FAM204A: variants seen among roughly 807,000 people sequenced by gnomAD.
FAM204A encodes the protein family with sequence similarity 204 member A.
A neutral mutation model predicts 35.4 loss-of-function variants in FAM204A; 16 were observed. The observed-to-expected ratio is 0.45, with a 90% CI of 0.31 to 0.69. The LOEUF (loss-of-function observed/expected upper bound fraction) is 0.69. Among genes scored for constraint, FAM204A ranks in the 30% least tolerant of loss-of-function variants. The pLI is 0.07. For synonymous variants in FAM204A, 76 were observed against 86.9 expected, an observed-to-expected ratio of 0.88 and a Z score of 0.70; for missense variants, 240 against 265.7, an observed-to-expected ratio of 0.90 and a Z score of 0.67.
chr10:118,336,437 G>A lies in FAM204A; in HGVS notation c.-8-14C>T. On this transcript the variant is annotated splice_polypyrimidine_tract_variant and intron_variant, in intron 2 of 8. Transcript: ENST00000369183. The stretch of plus-strand genomic sequence containing the variant: ...ACATCTTTTCTTCTATGAGGAAAAA[G>A]ATTAATTTACACATGTAGAATAACC... The A allele has an allele frequency of 6.3e-7, 1 of 1,591,688 alleles. No individual in the cohort carries two copies. Among genetic ancestry groups the A allele is most frequent in the Non-Finnish European group, 8.5e-7 (1 of 1,170,108 alleles).
chr10:118,311,368 G>A, intron 7 of FAM204A, 55 bp from the exon 8 acceptor site: 3 of 1,327,646 alleles, frequency 2.3e-6, no homozygotes, highest in Non-Finnish European at 3.2e-6. Flanking sequence ...AGCTAATACA[G>A]TAATTACACT....
intron 7 of FAM204A, among the ~76,000 whole-genome samples, chr10:118,311,697 T>A (rs1298989259): frequency 2.6e-5 from 4 of 152,194 alleles, no homozygotes; most frequent in African/African-American, 9.7e-5. Flanking sequence ...GGGCTAGAAT[T>A]ACAGCAACTC....
In FAM204A at chr10:118,342,294, G is replaced by C. The variant is rs904002522; in HGVS notation, c.-234C>G. 3.3e-5 allele frequency: 5 copies of C among 152,448 alleles called. No homozygotes were observed. The highest frequency in any genetic ancestry group is 1.2e-4 in the African/African-American group (5 of 41,470). The allele number at this position is 152,448 out of a possible 1,614,324, so 9.4% of individuals were successfully genotyped here. A position where few individuals can be genotyped will look rare whatever the true frequency, so the allele number is the denominator to read the frequency against. Reference sequence around the variant, plus strand: ...CCTGTCAGGAAGTGGTCGCCCAGCAGCCATCTTAGGACCCCGTCAACATCG... The same window carrying C: ...CCTGTCAGGAAGTGGTCGCCCAGCACCCATCTTAGGACCCCGTCAACATCG... On this transcript the variant is annotated 5_prime_UTR_variant, in exon 1 of 9. Transcript: ENST00000369183.
intron 6 of FAM204A, among the ~76,000 whole-genome samples, chr10:118,328,586 G>A (rs1003475868): frequency 6.6e-6 from 1 of 150,774 alleles, no homozygotes; most frequent in Non-Finnish European, 1.5e-5. Context: ...TCCACCTCCT[G>A]GGTTCAAGCG....
chr10:118,328,583 C>T (rs1156687107), intron 6 of FAM204A, among the ~76,000 whole-genome samples: 1 of 151,522 alleles, frequency 6.6e-6, no homozygotes, highest in Non-Finnish European at 1.5e-5. Context: ...ACCTCCACCT[C>T]CTGGGTTCAA....
At chr10:118,313,356 G>A (rs1017196456) in intron 7 of FAM204A, among the ~76,000 whole-genome samples, 4 of 152,138 alleles carry the variant, frequency 2.6e-5, no homozygotes, top group African/African-American at 9.7e-5. Context: ...GAACAAGAGC[G>A]GGAGGGCCTC....
chr10:118,327,183 C>A, intron 6 of FAM204A, among the ~76,000 whole-genome samples: 1 of 152,132 alleles, frequency 6.6e-6, no homozygotes, highest in East Asian at 1.9e-4. Flanking sequence ...CTCTTACAGA[C>A]TTCTCCTCCT....
chr10:118,319,030 T>G (rs573188326), intron 7 of FAM204A, among the ~76,000 whole-genome samples: 1 of 151,852 alleles, frequency 6.6e-6, no homozygotes, highest in African/African-American at 2.4e-5. Context: ...AAAGGAAGAA[T>G]TGTAGTCAAA....
intron 7 of FAM204A, among the ~76,000 whole-genome samples, chr10:118,318,876 CACAATAACACTCCAGGT>C (rs1201367238): frequency 2.0e-5 from 3 of 150,958 alleles, no homozygotes; most frequent in Non-Finnish European, 4.4e-5. Flanking sequence ...GAACTCCAGA[CACAATAACACTCCAGGT>C]ACTCTGATCA....
rs142207010 is a variant in FAM204A at position 118,340,721 on chromosome 10, C to CA, written c.-9+1005dup. 1.5e-3 allele frequency among the ~76,000 whole-genome samples: 223 copies of CA among 152,324 alleles called. 1 individual carries two copies. Among genetic ancestry groups the CA allele is most frequent in the African/African-American group, 5.1e-3 (211 of 41,574 alleles). On this transcript the variant is annotated intron_variant, in intron 2 of 8. Coordinates refer to ENST00000369183, the MANE Select transcript of FAM204A (RefSeq NM_022063.3). ...ACCAGAAAGGGGAAACAAAGCAAGT[C>CA]ACTGCTGCACATGGCATACAAACAG...
intron 3 of FAM204A, 103 bp downstream of exon 3, chr10:118,336,077 CCT>C (rs1846380769): frequency 7.6e-7 from 1 of 1,307,332 alleles, no homozygotes. Context: ...CATCTCCCTC[CCT>C]GTTAAGTCCC....
At chr10:118,322,918 G>C (rs970440305) in intron 7 of FAM204A, among the ~76,000 whole-genome samples, 3 of 152,226 alleles carry the variant, frequency 2.0e-5, no homozygotes, top group African/African-American at 7.2e-5. Flanking sequence ...AATTCCCCTT[G>C]TTTCAGATGG....
Position 118,310,789 on chromosome 10 carries a change from T to C in FAM204A, c.*68A>G. 1.5e-6 allele frequency: 2 copies of C among 1,320,756 alleles called. No homozygotes were observed. Among genetic ancestry groups the C allele is most frequent in the African/African-American group, 1.5e-5 (1 of 67,782 alleles). 81.8% of individuals were successfully genotyped at this position (1,320,756 alleles called of 1,614,324 possible). A position where few individuals can be genotyped will look rare whatever the true frequency, so the allele number is the denominator to read the frequency against. On this transcript the variant is annotated 3_prime_UTR_variant, in exon 9 of 9. Transcript: ENST00000369183. ...CTATCAATTTTCTGACATATTAACA[T>C]AGGCAGGAAAACATTCTCAGTAAAT...
rs57642117 is a variant in FAM204A at position 118,321,488 on chromosome 10, A to G, written c.543+4666T>C. 9.1e-3 allele frequency among the ~76,000 whole-genome samples: 1,386 copies of G among 152,188 alleles called. 20 individuals carry two copies. Among genetic ancestry groups the G allele is most frequent in the African/African-American group, 0.032 (1,329 of 41,536 alleles). ...CTAAATTATTTTTCTTTTAATCAGAATGCTATAATCCCACATTAAACACAT... is the reference window on the plus strand; with the variant it reads ...CTAAATTATTTTTCTTTTAATCAGAGTGCTATAATCCCACATTAAACACAT... On this transcript the variant is annotated intron_variant, in intron 7 of 8. Coordinates refer to ENST00000369183, the MANE Select transcript of FAM204A (RefSeq NM_022063.3).
At chr10:118,326,757 C>T (rs1846203464) in intron 6 of FAM204A, among the ~76,000 whole-genome samples, 1 of 152,214 alleles carries the variant, frequency 6.6e-6, no homozygotes, top group African/African-American at 2.4e-5. Flanking sequence ...GCATTCTCAA[C>T]CACAAGTTTC....
Position 118,335,156 on chromosome 10 carries a change from A to G in FAM204A, c.411T>C (p.Asn137=). The G allele has an allele frequency of 8.1e-6, 13 of 1,613,538 alleles. No individual in the cohort carries two copies. Among genetic ancestry groups the G allele is most frequent in the Non-Finnish European group, 1.1e-5 (13 of 1,179,770 alleles). Residue 137 remains asparagine (N), a synonymous_variant, in exon 6 of 9, where the codon AAT becomes AAC. Coordinates refer to ENST00000369183, the MANE Select transcript of FAM204A (RefSeq NM_022063.3). ...TTTTAACAGGCGGGTCAAATCTATC[A>G]TTGACTCCAAAATACTGAGTAAGCT... is the stretch of plus-strand genomic sequence containing the variant. ...WKELTQYFGV[N]DRFDPPVKRK...
chr10:118,334,873 G>T (rs1450511288), intron 6 of FAM204A, among the ~76,000 whole-genome samples: 1 of 152,180 alleles, frequency 6.6e-6, no homozygotes, highest in Non-Finnish European at 1.5e-5. Context: ...TCTATGAAAG[G>T]CTTTCCCTGA....
chr10:118,336,155 A>G, intron 3 of FAM204A, 27 bp downstream of exon 3: 11 of 1,603,948 alleles, frequency 6.9e-6, no homozygotes, highest in Non-Finnish European at 9.4e-6. Context: ...CACAGGCTGT[A>G]GCAAGAGCAT....
At chr10:118,336,144 A>C in intron 3 of FAM204A, 38 bp downstream of exon 3, 3 of 1,595,784 alleles carry the variant, frequency 1.9e-6, no homozygotes, top group Non-Finnish European at 2.6e-6. Context: ...ATGTGCACAC[A>C]CACAGGCTGT....
Sources: gnomAD v4.1 joint callset for allele counts (sites outside exome capture counted in the v4.1 genomes callset) on GRCh38, gnomAD v4.1.1 for gene constraint, MANE v1.5 for transcripts, NCBI Gene and HGNC (gene_info 2026-07-23, HGNC 2026-07-21) for gene names.